ELAPOR1: variants seen among roughly 807,000 people sequenced by gnomAD.
ELAPOR1 encodes endosome/lysosome-associated apoptosis and autophagy regulator 1.
A neutral mutation model predicts 119.7 loss-of-function variants in ELAPOR1; 77 were observed. The ratio of observed to expected loss-of-function variants is 0.64; its 90% CI spans 0.54 to 0.78. The LOEUF (loss-of-function observed/expected upper bound fraction) is 0.78. Among genes scored for constraint, ELAPOR1 ranks in the 30% least tolerant of loss-of-function variants. ELAPOR1 has a pLI of 0.00. For synonymous variants in ELAPOR1, 481 were observed against 487.2 expected (o/e 0.99, Z 0.17); for missense variants, 1,115 against 1,270.4 (o/e 0.88, Z 1.86).
At chr1:109,191,514 G>C (rs376282860) in intron 12 of ELAPOR1, 43 bp downstream of exon 12, 9 of 1,557,990 alleles carry the variant, frequency 5.8e-6, no homozygotes, top group Admixed American at 5.0e-5. Context: ...CTCCAGGGGA[G>C]GGTTAGCCCC....
chr1:109,154,826 C>T (rs1011245331), intron 1 of ELAPOR1, among the ~76,000 whole-genome samples: 1 of 152,168 alleles, frequency 6.6e-6, no homozygotes, highest in African/African-American at 2.4e-5. Context: ...GCTGGCTTGT[C>T]CTGGCTTTCA....
chr1:109,198,739 C>T, intron 18 of ELAPOR1, 65 bp downstream of exon 18: 1 of 1,388,180 alleles, frequency 7.2e-7, no homozygotes, highest in East Asian at 2.4e-5. Context: ...ATCCTGAGAT[C>T]CAGAGATTAC....
At chr1:109,152,512 G>A in intron 1 of ELAPOR1, among the ~76,000 whole-genome samples, 1 of 152,104 alleles carries the variant, frequency 6.6e-6, no homozygotes, top group East Asian at 1.9e-4. Context: ...GGGGAGGTAG[G>A]GAAGTTGTTC....
intron 1 of ELAPOR1, among the ~76,000 whole-genome samples, chr1:109,144,967 T>C (rs1185976656): frequency 1.3e-5 from 2 of 152,208 alleles, no homozygotes; most frequent in African/African-American, 4.8e-5. Context: ...ATACATAATA[T>C]ATACATTTGT....
In ELAPOR1 at chr1:109,161,838, T is replaced by C. The variant is rs567066020; in HGVS notation, c.154-56T>C. ...TGGTGCTGGGAAGTGGGTGGGAAGCTGTTAATGTTTGATCACTGCTAATGC... is the reference window on the plus strand; with the variant it reads ...TGGTGCTGGGAAGTGGGTGGGAAGCCGTTAATGTTTGATCACTGCTAATGC... On this transcript the variant is annotated intron_variant, in intron 1 of 21. Transcript: ENST00000369939. 8.9e-6 allele frequency: 14 copies of C among 1,567,158 alleles called. No homozygotes were observed. The East Asian group carries it at 3.0e-4, about 33-fold the overall frequency.
At chr1:109,188,638 A>C (rs532196939) in intron 9 of ELAPOR1, among the ~76,000 whole-genome samples, 1 of 152,130 alleles carries the variant, frequency 6.6e-6, no homozygotes, top group Admixed American at 6.5e-5. Flanking sequence ...GGCTTCCAGC[A>C]TATGGCAGAG....
rs113482805 is a variant in ELAPOR1 at position 109,197,688 on chromosome 1, A to AGACAGAGTGTGT, written c.2302+35_2302+36insACAGAGTGTGTG. 2.2e-6 allele frequency: 3 copies of AGACAGAGTGTGT among 1,366,716 alleles called. No homozygotes were observed. The Admixed American group carries it at 6.0e-5, about 27-fold the overall frequency. 84.7% of individuals were successfully genotyped at this position (1,366,716 alleles called of 1,614,324 possible). ...CTCCGCTGCCTCAGCCTTGTTTGAG[A>AGACAGAGTGTGT]GTGTGTGTGTGTGTGTGTGTGTGTG... On this transcript the variant is annotated intron_variant, in intron 16 of 21. Coordinates refer to ENST00000369939, the MANE Select transcript of ELAPOR1 (RefSeq NM_020775.5).
chr1:109,187,500 C>T (rs536438900), intron 8 of ELAPOR1: 17 of 1,000,446 alleles, frequency 1.7e-5, no homozygotes, highest in Non-Finnish European at 2.0e-5. Flanking sequence ...TTCATCAACC[C>T]CTCAGTTCAA....
intron 1 of ELAPOR1, among the ~76,000 whole-genome samples, chr1:109,120,266 G>A (rs1393338794): frequency 6.6e-6 from 1 of 152,034 alleles, no homozygotes; most frequent in Non-Finnish European, 1.5e-5. Flanking sequence ...GTGTGGTGGT[G>A]CATGCCTGTA....
In ELAPOR1 at chr1:109,144,055, T is replaced by TATATATATA. The variant is rs1558029151; in HGVS notation, c.154-17839_154-17838insATATATATA. Among the ~76,000 whole-genome samples, 58 of 64,332 alleles carry TATATATATA rather than the reference T, an allele frequency of 9.0e-4. 1 individual carries two copies. The highest frequency in any genetic ancestry group is 1.3e-3 in the Non-Finnish European group (43 of 32,656). 42.2% of individuals were successfully genotyped at this position (64,332 alleles called of 152,430 possible). A position where few individuals can be genotyped will look rare whatever the true frequency, so the allele number is the denominator to read the frequency against. On this transcript the variant is annotated intron_variant, in intron 1 of 21. Transcript: ENST00000369939. ...AAATTATATATATATATATATATAT[T>TATATATATA]TATATATTTTTTTTTTTTTTTGAGA...
intron 1 of ELAPOR1, among the ~76,000 whole-genome samples, chr1:109,130,146 A>T (rs1375766956): frequency 6.6e-6 from 1 of 152,118 alleles, no homozygotes; most frequent in Non-Finnish European, 1.5e-5. Context: ...GGCCCATCCT[A>T]ATCCATTAGG....
intron 1 of ELAPOR1, among the ~76,000 whole-genome samples, chr1:109,153,071 GAA>G (rs1421502897): frequency 6.6e-6 from 1 of 152,014 alleles, no homozygotes; most frequent in East Asian, 1.9e-4. Flanking sequence ...AAGAACGGCA[GAA>G]ATTGGTGAGT....
At chr1:109,115,293 G>A (rs1256118803) in intron 1 of ELAPOR1, among the ~76,000 whole-genome samples, 1 of 152,092 alleles carries the variant, frequency 6.6e-6, no homozygotes, top group Non-Finnish European at 1.5e-5. Context: ...CGTTGGGGAA[G>A]GCAAAATAAA....
chr1:109,172,762 A>G (rs112200173), intron 5 of ELAPOR1, among the ~76,000 whole-genome samples, 194 bp downstream of exon 5: 7 of 152,278 alleles, frequency 4.6e-5, no homozygotes, highest in African/African-American at 1.4e-4. Flanking sequence ...TGTAGCTTCT[A>G]TGGCTTGACT....
intron 15 of ELAPOR1, 34 bp downstream of exon 15, chr1:109,194,628 A>AT: frequency 6.3e-7 from 1 of 1,595,960 alleles, no homozygotes. Context: ...TGAAAATTGA[A>AT]TGGGGGAGGC....
At chr1:109,192,489 T>C in intron 13 of ELAPOR1, 122 bp from the exon 14 acceptor site, 1 of 1,050,612 alleles carries the variant, frequency 9.5e-7, no homozygotes, top group South Asian at 1.6e-5. Flanking sequence ...AGTCAGATGC[T>C]TCTCAGATTC....
At chr1:109,119,482 CCTG>C (rs1648253998) in intron 1 of ELAPOR1, among the ~76,000 whole-genome samples, 1 of 145,052 alleles carries the variant, frequency 6.9e-6, no homozygotes, top group South Asian at 2.1e-4. Context: ...CCGCACTCAG[CCTG>C]CTTTTTTTTT....
At chr1:109,137,975 G>C (rs1346372213) in intron 1 of ELAPOR1, among the ~76,000 whole-genome samples, 2 of 152,220 alleles carry the variant, frequency 1.3e-5, no homozygotes, top group Non-Finnish European at 2.9e-5. Context: ...GGTCAAGTTA[G>C]CTGAGGCCTA....
chr1:109,137,105 C>G (rs1299910737), intron 1 of ELAPOR1, among the ~76,000 whole-genome samples: 1 of 152,170 alleles, frequency 6.6e-6, no homozygotes, highest in Non-Finnish European at 1.5e-5. Flanking sequence ...GTATAATGCC[C>G]TCTTCTGATG....
Sources: allele counts gnomAD v4.1 joint callset (sites outside exome capture counted in the v4.1 genomes callset), GRCh38; gene constraint gnomAD v4.1.1; transcripts MANE v1.5; gene names NCBI Gene and HGNC (gene_info 2026-07-23, HGNC 2026-07-21).